The following SLC35F1 variants were observed in gnomAD, a reference collection of about 807,000 sequenced individuals.
SLC35F1 encodes solute carrier family 35 member F1.
A neutral mutation model predicts 48.7 loss-of-function variants in SLC35F1; 14 were observed. The observed-to-expected ratio is 0.29, with a 90% CI of 0.19 to 0.45. SLC35F1 has a LOEUF of 0.45. Among genes scored for constraint, SLC35F1 ranks in the 20% least tolerant of loss-of-function variants. SLC35F1 has a pLI of 1.00. For synonymous variants in SLC35F1, 190 were observed against 202.2 expected, an observed-to-expected ratio of 0.94 and a Z score of 0.51; for missense variants, 404 against 500.0, an observed-to-expected ratio of 0.81 and a Z score of 1.83.
intron 1 of SLC35F1, among the ~76,000 whole-genome samples, chr6:118,114,860 ATCAAGCAATGGGTTGTAAC>A (rs1773456106): frequency 6.6e-6 from 1 of 152,186 alleles, no homozygotes; most frequent in African/African-American, 2.4e-5. Context: ...ATGTCTTCTA[ATCAAGCAATGGGTTGTAAC>A]TTGAAGTTCA....
chr6:118,250,612 T>G (rs1241881006), intron 3 of SLC35F1, among the ~76,000 whole-genome samples: 2 of 152,198 alleles, frequency 1.3e-5, no homozygotes, highest in African/African-American at 4.8e-5. Flanking sequence ...AAGCACTGGC[T>G]AAACTGAACT....
intron 1 of SLC35F1, among the ~76,000 whole-genome samples, chr6:118,083,486 A>G (rs999777379): frequency 3.6e-4 from 55 of 152,214 alleles, no homozygotes; most frequent in Admixed American, 1.7e-3. Flanking sequence ...AGGAAATGTT[A>G]AGGTACAAAA....
At chr6:117,937,692 T>C (rs1487961287) in intron 1 of SLC35F1, among the ~76,000 whole-genome samples, 9 of 152,214 alleles carry the variant, frequency 5.9e-5, no homozygotes, top group Non-Finnish European at 5.9e-5. Context: ...TGGATTTATG[T>C]TGGAAAAATA....
intron 1 of SLC35F1, among the ~76,000 whole-genome samples, chr6:117,978,298 C>T (rs145773471): frequency 6.6e-6 from 1 of 152,078 alleles, no homozygotes; most frequent in Non-Finnish European, 1.5e-5. Context: ...CCCTGGCCCC[C>T]ACCCTCTCCA....
intron 1 of SLC35F1, among the ~76,000 whole-genome samples, chr6:117,926,987 G>A (rs1297676622): frequency 1.3e-5 from 2 of 152,120 alleles, no homozygotes; most frequent in Non-Finnish European, 2.9e-5. Flanking sequence ...AGAGAAATGT[G>A]AATTGAGTTT....
At position 118,240,194 on chromosome 6, in the gene SLC35F1, A is replaced by G. The variant is rs56733825; in HGVS notation, c.477+4558A>G. Among the ~76,000 whole-genome samples the G allele has an allele frequency of 9.5e-3, 1,441 of 152,354 alleles. 24 individuals are homozygous for G. Among genetic ancestry groups the G allele is most frequent in the African/African-American group, 0.033 (1,369 of 41,582 alleles). ...TATGAACTTCTAAAGGAGATAAGAGACACAGCTTAATGATAGTAACACCAA... is the reference window on the plus strand; with the variant it reads ...TATGAACTTCTAAAGGAGATAAGAGGCACAGCTTAATGATAGTAACACCAA... On this transcript the variant is annotated intron_variant, in intron 3 of 7. Transcript: ENST00000360388.
intron 1 of SLC35F1, among the ~76,000 whole-genome samples, chr6:117,979,277 T>G (rs540673803): frequency 5.6e-4 from 85 of 152,332 alleles, no homozygotes; most frequent in Non-Finnish European, 5.4e-4. Flanking sequence ...GGGCTCAGGT[T>G]GGAGAGCTTT....
intron 1 of SLC35F1, among the ~76,000 whole-genome samples, chr6:118,061,880 C>T (rs927926849): frequency 2.6e-5 from 4 of 152,004 alleles, no homozygotes; most frequent in Admixed American, 6.6e-5. Context: ...AATCTAATGC[C>T]GCCACTGATC....
intron 1 of SLC35F1, among the ~76,000 whole-genome samples, chr6:118,036,477 C>T (rs1018727774): frequency 1.6e-4 from 25 of 152,152 alleles, no homozygotes; most frequent in African/African-American, 5.6e-4. Flanking sequence ...AGGGAATATT[C>T]TGCAGTCGTA....
At chr6:118,221,361 A>G (rs1889466) in intron 2 of SLC35F1, among the ~76,000 whole-genome samples, 142,003 of 152,214 alleles carry the variant, frequency 0.93, 66,298 homozygotes, top group East Asian at 0.98. Context: ...ATGAACAAGA[A>G]AGGTTCTTAG....
At chr6:118,027,609 C>G (rs1771978008) in intron 1 of SLC35F1, among the ~76,000 whole-genome samples, 1 of 151,962 alleles carries the variant, frequency 6.6e-6, no homozygotes, top group Non-Finnish European at 1.5e-5. Context: ...TGTCAAATCT[C>G]CCCTCACCTC....
chr6:117,910,439 C>G lies in SLC35F1; in HGVS notation c.173+2540C>G, dbSNP rs1392835458. ...TCCTTTTTTGCTTTCTTCTTTTCCT[C>G]TTCCTCCTTCCTGAATACTTCACCC... On this transcript the variant is annotated intron_variant, in intron 1 of 7. Coordinates refer to ENST00000360388, the MANE Select transcript of SLC35F1 (RefSeq NM_001029858.4). Among the ~76,000 whole-genome samples, 6 of 152,328 alleles carry G rather than the reference C, an allele frequency of 3.9e-5. No homozygotes were observed. In the East Asian group the frequency reaches 9.6e-4, roughly 24 times the overall value.
intron 1 of SLC35F1, among the ~76,000 whole-genome samples, chr6:118,010,321 T>G (rs577921134): frequency 6.6e-6 from 1 of 152,318 alleles, no homozygotes; most frequent in African/African-American, 2.4e-5. Flanking sequence ...AAGTCTCTTG[T>G]TTTTATATCT....
chr6:117,935,435 T>G (rs1776152472), intron 1 of SLC35F1, among the ~76,000 whole-genome samples: 1 of 152,228 alleles, frequency 6.6e-6, no homozygotes, highest in Middle Eastern at 3.2e-3. Context: ...ATCAACTGAT[T>G]AATACAAACC....
intron 1 of SLC35F1, among the ~76,000 whole-genome samples, chr6:117,990,446 G>A (rs989953495): frequency 1.3e-5 from 2 of 152,188 alleles, no homozygotes; most frequent in South Asian, 4.1e-4. Flanking sequence ...TTCCATGGAA[G>A]TTACTAGGTA....
At chr6:118,224,635 T>C (rs1775191431) in intron 2 of SLC35F1, among the ~76,000 whole-genome samples, 1 of 152,222 alleles carries the variant, frequency 6.6e-6, no homozygotes, top group Non-Finnish European at 1.5e-5. Flanking sequence ...GTGACTGAAT[T>C]GATTTCTAGG....
At chr6:118,169,649 G>C (rs906354985) in intron 2 of SLC35F1, among the ~76,000 whole-genome samples, 1 of 152,020 alleles carries the variant, frequency 6.6e-6, no homozygotes, top group Non-Finnish European at 1.5e-5. Flanking sequence ...ACTGCTTTCT[G>C]TCTCTGATAC....
chr6:118,249,213 T>C (rs1275192149), intron 3 of SLC35F1, among the ~76,000 whole-genome samples: 1 of 152,234 alleles, frequency 6.6e-6, no homozygotes, highest in Non-Finnish European at 1.5e-5. Flanking sequence ...GCACTTATCT[T>C]CTGAGAGCCT....
chr6:118,096,792 G>A (rs1773182681), intron 1 of SLC35F1, among the ~76,000 whole-genome samples: 1 of 152,068 alleles, frequency 6.6e-6, no homozygotes, highest in Admixed American at 6.6e-5. Flanking sequence ...ATCATGATGG[G>A]AAACATATTC....
Sources: allele counts gnomAD v4.1 joint callset (sites outside exome capture counted in the v4.1 genomes callset), GRCh38; gene constraint gnomAD v4.1.1; transcripts MANE v1.5; gene names NCBI Gene and HGNC (gene_info 2026-07-23, HGNC 2026-07-21).